Variants in RNF130 observed in about 807,000 individuals in gnomAD.
The protein encoded by RNF130 is E3 ubiquitin-protein ligase RNF130.
RNF130 carries 21 observed loss-of-function variants against 44.6 expected under a neutral mutation model. The observed-to-expected ratio is 0.47, with a 90% CI of 0.33 to 0.68. The LOEUF is 0.68. RNF130 is among the 30% of genes least tolerant of loss of function. The pLI, the probability that RNF130 is intolerant of heterozygous loss-of-function variation, is 0.02. For synonymous variants in RNF130, 214 were observed against 210.4 expected, an observed-to-expected ratio of 1.02 and a Z score of -0.15; for missense variants, 479 against 560.6, an observed-to-expected ratio of 0.85 and a Z score of 1.47.
At chr5:180,052,827 T>TA (rs1764718287) in intron 1 of RNF130, among the ~76,000 whole-genome samples, 1 of 152,008 alleles carries the variant, frequency 6.6e-6, no homozygotes, top group Non-Finnish European at 1.5e-5. Flanking sequence ...CCTGAGAAAA[T>TA]AAGAGGTTTA....
intron 3 of RNF130, among the ~76,000 whole-genome samples, chr5:179,993,289 G>A (rs1021312221): frequency 2.0e-5 from 3 of 152,218 alleles, no homozygotes; most frequent in Admixed American, 6.5e-5. Flanking sequence ...GATCCTTGAG[G>A]AATCACCACA....
rs1467768562 is a variant in RNF130, at chr5:179,955,218, CAG to C, written c.*434_*435del. ...ATCAACCACAGAGAAGAAATTATCA[CAG>C]AGTGAATGTCCCCCTTGAAGAATGA... is the stretch of plus-strand genomic sequence containing the variant. On this transcript the variant is annotated 3_prime_UTR_variant, in exon 9 of 9. Transcript: ENST00000521389. 6.6e-6 allele frequency: 1 copy of C among 151,680 alleles called. No homozygotes were observed. The highest frequency in any genetic ancestry group is 2.7e-5 in the African/African-American group (1 of 37,642). The allele number at this position is 151,680 out of a possible 1,614,324, so 9.4% of individuals were successfully genotyped here.
At chr5:180,032,716 C>T (rs1397176374) in intron 2 of RNF130, among the ~76,000 whole-genome samples, 1 of 152,204 alleles carries the variant, frequency 6.6e-6, no homozygotes, top group African/African-American at 2.4e-5. Context: ...ACCAATACCA[C>T]AATGCCTTGA....
intron 7 of RNF130, 66 bp downstream of exon 7, chr5:179,966,740 C>T: frequency 6.9e-7 from 1 of 1,453,916 alleles, no homozygotes; most frequent in Non-Finnish European, 9.5e-7. Context: ...CTTGACTCTC[C>T]TGATGGTCCC....
chr5:179,987,568 A>G (rs1762984078), intron 3 of RNF130, among the ~76,000 whole-genome samples: 1 of 152,228 alleles, frequency 6.6e-6, no homozygotes, highest in African/African-American at 2.4e-5. Flanking sequence ...GTCTTGAACC[A>G]GTTCTTAAAG....
chr5:179,925,781 C>T (rs1342564246), intron 7 of RNF130, among the ~76,000 whole-genome samples: 1 of 152,170 alleles, frequency 6.6e-6, no homozygotes, highest in East Asian at 1.9e-4. Flanking sequence ...CATCCTCCCA[C>T]CTTGGCCTCC....
rs186576196 is a variant in RNF130 at position 179,964,316 on chromosome 5, C to T, written c.1151-752G>A. On this transcript the variant is annotated intron_variant, in intron 7 of 8. Coordinates refer to ENST00000521389, the MANE Select transcript of RNF130 (RefSeq NM_018434.6). ...GATGTTTACTAGACTGTCTCTCTCT[C>T]TCCATCCAGATATTCTCCTTTACCT... 5.9e-5 allele frequency: 9 copies of T among 152,330 alleles called. No homozygotes were observed. The East Asian group carries it at 1.4e-3, about 23-fold the overall frequency. The allele number at this position is 152,330 out of a possible 1,614,324, so 9.4% of individuals were successfully genotyped here.
At chr5:179,952,806 C>T (rs765330019), downstream of RNF130, among the ~76,000 whole-genome samples, 22 of 152,190 alleles carry the variant, frequency 1.4e-4, no homozygotes, top group Non-Finnish European at 2.1e-4. Context: ...ATGATAAAAA[C>T]GTTCAATAAG....
At chr5:180,016,095 G>A (rs565256388) in intron 2 of RNF130, among the ~76,000 whole-genome samples, 1 of 152,168 alleles carries the variant, frequency 6.6e-6, no homozygotes, top group African/African-American at 2.4e-5. Context: ...CCGGGCAGAG[G>A]AGCCCGACCC....
At chr5:179,963,419 G>A (rs570966360) in intron 8 of RNF130, 52 bp downstream of exon 8, 6 of 1,423,820 alleles carry the variant, frequency 4.2e-6, no homozygotes, top group East Asian at 2.4e-5. Context: ...TGCTCCATGT[G>A]TTTTCCTGGG....
At position 179,981,728 on chromosome 5, in the gene RNF130, C is replaced by T. The variant is rs144897651; in HGVS notation, c.694-1528G>A. ...ATTATCCAATACTCACACTATACTA[C>T]AATTTCCCTAGGTGTTTACAGAATG... On this transcript the variant is annotated intron_variant, in intron 3 of 8. Coordinates refer to ENST00000521389, the MANE Select transcript of RNF130 (RefSeq NM_018434.6). Among the ~76,000 whole-genome samples, 964 of 152,304 alleles carry T rather than the reference C, an allele frequency of 6.3e-3. 7 individuals are homozygous for T. The highest frequency in any genetic ancestry group is 0.022 in the African/African-American group (923 of 41,562).
At chr5:180,037,939 C>A (rs1764286084) in intron 2 of RNF130, among the ~76,000 whole-genome samples, 1 of 152,134 alleles carries the variant, frequency 6.6e-6, no homozygotes, top group Admixed American at 6.6e-5. Flanking sequence ...CAAACTATAC[C>A]CCTGCATTTC....
chr5:179,975,467 C>T (rs144087516), intron 5 of RNF130, among the ~76,000 whole-genome samples: 3 of 152,338 alleles, frequency 2.0e-5, no homozygotes, highest in Non-Finnish European at 4.4e-5. Context: ...CTGAGAAATG[C>T]TGCTCTAGCT....
chr5:180,023,009 T>TACATTAAAG (rs1763907578), intron 2 of RNF130, among the ~76,000 whole-genome samples: 1 of 152,242 alleles, frequency 6.6e-6, no homozygotes, highest in Non-Finnish European at 1.5e-5. Flanking sequence ...ATCTGTTATT[T>TACATTAAAG]ACATTAAAGA....
At position 179,971,563 on chromosome 5, in the gene RNF130, G is replaced by A. The variant is rs111954563; in HGVS notation, c.849-1057C>T. On this transcript the variant is annotated intron_variant, in intron 5 of 8. Coordinates refer to ENST00000521389, the MANE Select transcript of RNF130 (RefSeq NM_018434.6). The stretch of plus-strand genomic sequence containing the variant: ...TTTTTGTATTTTTAGTAGAGACGGG[G>A]TTTCACCATGTTAGCCAGGATGGTT... 8.8e-3 allele frequency among the ~76,000 whole-genome samples: 1,336 copies of A among 152,248 alleles called. 21 individuals carry two copies. Among genetic ancestry groups the A allele is most frequent in the African/African-American group, 0.031 (1,268 of 41,548 alleles).
At chr5:179,969,547 C>G (rs913389094) in intron 6 of RNF130, among the ~76,000 whole-genome samples, 1 of 152,054 alleles carries the variant, frequency 6.6e-6, no homozygotes, top group Non-Finnish European at 1.5e-5. Flanking sequence ...TCATCCCATA[C>G]TCATCGACCA....
At chr5:179,967,090 T>G in intron 6 of RNF130, 80 bp from the exon 7 acceptor site, 1 of 1,339,202 alleles carries the variant, frequency 7.5e-7, no homozygotes. Flanking sequence ...TTCTAAACTT[T>G]GACGCCCTGT....
intron 3 of RNF130, among the ~76,000 whole-genome samples, chr5:180,008,908 T>G (rs1763522634): frequency 6.7e-6 from 1 of 149,752 alleles, no homozygotes; most frequent in Non-Finnish European, 1.5e-5. Flanking sequence ...AAAAGTAAAA[T>G]ATCTAAACTA....
chr5:179,927,885 C>T (rs554302000), intron 7 of RNF130, among the ~76,000 whole-genome samples: 13 of 152,046 alleles, frequency 8.6e-5, no homozygotes, highest in Middle Eastern at 3.2e-3. Flanking sequence ...CCACCATGCC[C>T]GGCCTAGCTT....
Sources: allele counts gnomAD v4.1 joint callset (sites outside exome capture counted in the v4.1 genomes callset), GRCh38; gene constraint gnomAD v4.1.1; transcripts MANE v1.5; gene names NCBI Gene and HGNC (gene_info 2026-07-23, HGNC 2026-07-21).